GPHN: variants seen among roughly 807,000 people sequenced by gnomAD.
GPHN encodes gephyrin.
Under a neutral mutation model 95.5 loss-of-function variants are expected in GPHN, and 17 were observed. The ratio of observed to expected loss-of-function variants is 0.18; its 90% CI spans 0.12 to 0.27. The LOEUF is 0.27. GPHN is among the 10% of genes least tolerant of loss of function. GPHN has a pLI of 1.00. For missense variants in GPHN, 660 were observed against 978.1 expected, an observed-to-expected ratio of 0.67 and a Z score of 4.34; for synonymous variants, 320 against 322.5, an observed-to-expected ratio of 0.99 and a Z score of 0.08.
At chr14:66,690,143 A>C (rs2067676134) in intron 2 of GPHN, among the ~76,000 whole-genome samples, 1 of 151,352 alleles carries the variant, frequency 6.6e-6, no homozygotes, top group African/African-American at 2.4e-5. Context: ...GCTATTTGAA[A>C]ATTTTCTACT....
chr14:67,368,014 G>A, the GPHN span, among the ~76,000 whole-genome samples: 1 of 152,284 alleles, frequency 6.6e-6, no homozygotes, highest in East Asian at 1.9e-4. Flanking sequence ...AGAGGTGACT[G>A]AGTGATGACA....
chr14:66,821,262 A>C (rs1266938777), intron 3 of GPHN, among the ~76,000 whole-genome samples: 2 of 152,250 alleles, frequency 1.3e-5, no homozygotes, highest in African/African-American at 4.8e-5. Flanking sequence ...CTTTTTAAAC[A>C]TGATAGAATA....
the GPHN span, among the ~76,000 whole-genome samples, chr14:67,502,748 G>A: frequency 1.3e-5 from 2 of 151,878 alleles, no homozygotes; most frequent in African/African-American, 4.8e-5. Context: ...CACCGCGCCG[G>A]GCCCCAGAAG....
the GPHN span, chr14:67,376,582 T>C: frequency 6.2e-7 from 1 of 1,613,656 alleles, no homozygotes; most frequent in Non-Finnish European, 8.5e-7. Context: ...CATTTAAGCA[T>C]GCAGTCTCGT....
At chr14:67,527,010 G>A in the GPHN span, among the ~76,000 whole-genome samples, 2 of 152,166 alleles carry the variant, frequency 1.3e-5, no homozygotes, top group Non-Finnish European at 2.9e-5. Context: ...CAGGGCAGAG[G>A]GAGCTGCAAT....
chr14:67,710,445 T>C, the GPHN span, among the ~76,000 whole-genome samples: 1 of 152,204 alleles, frequency 6.6e-6, no homozygotes, highest in Non-Finnish European at 1.5e-5. Context: ...GTGACTTACA[T>C]AGACCTTTTG....
At chr14:67,336,676 C>G in the GPHN span, 1 of 455,040 alleles carries the variant, frequency 2.2e-6, no homozygotes, top group Non-Finnish European at 4.4e-6. Context: ...TGCTCTTTGA[C>G]TTGTCAAAGT....
intron 2 of GPHN, among the ~76,000 whole-genome samples, chr14:66,766,427 GT>G (rs1459822718): frequency 1.3e-5 from 2 of 152,032 alleles, no homozygotes; most frequent in Non-Finnish European, 2.9e-5. Context: ...AAAAACTATA[GT>G]TTTAGATATT....
chr14:67,646,546 C>A, the GPHN span: 2 of 916,886 alleles, frequency 2.2e-6, no homozygotes, highest in Non-Finnish European at 3.5e-6. Context: ...CTGTGGGTGG[C>A]AGAAGAAAGC....
chr14:67,239,935 A>G, the GPHN span, among the ~76,000 whole-genome samples: 1 of 152,174 alleles, frequency 6.6e-6, no homozygotes, highest in Non-Finnish European at 1.5e-5. Context: ...GGGTATGGCT[A>G]GTAGTTTCTA....
chr14:67,575,311 C>T, the GPHN span: 1 of 800,774 alleles, frequency 1.2e-6, no homozygotes, highest in Non-Finnish European at 2.0e-6. Flanking sequence ...ATCTGTCTCC[C>T]TGTGGCTTCT....
At chr14:67,680,342 C>T in the GPHN span, among the ~76,000 whole-genome samples, 1 of 152,188 alleles carries the variant, frequency 6.6e-6, no homozygotes, top group African/African-American at 2.4e-5. Context: ...CCTTTGTAAG[C>T]CTCTGCATCC....
chr14:67,225,960 TGTGCGCGCGC>T, the GPHN span, among the ~76,000 whole-genome samples: 147 of 119,804 alleles, frequency 1.2e-3, 2 homozygotes, highest in South Asian at 0.014. Context: ...TGTGTGTGTG[TGTGCGCGCGC>T]GCGCGTGCGC....
chr14:67,270,206 G>A, the GPHN span: 1 of 152,108 alleles, frequency 6.6e-6, no homozygotes, highest in East Asian at 1.9e-4. Context: ...CACTTGTTGT[G>A]AAGCTTATTT....
At chr14:66,612,468 A>G (rs938659738) in intron 1 of GPHN, among the ~76,000 whole-genome samples, 3 of 151,998 alleles carry the variant, frequency 2.0e-5, no homozygotes, top group Admixed American at 6.6e-5. Flanking sequence ...TTATAGTATG[A>G]TGTATCACCA....
At chr14:66,898,794 A>C (rs780645656) in intron 5 of GPHN, among the ~76,000 whole-genome samples, 10 of 152,012 alleles carry the variant, frequency 6.6e-5, no homozygotes, top group Non-Finnish European at 1.3e-4. Context: ...TATAGGAATT[A>C]CATTAAATCT....
At chr14:67,225,284 G>C in the GPHN span, 1 of 1,453,912 alleles carries the variant, frequency 6.9e-7, no homozygotes, top group South Asian at 1.4e-5. Flanking sequence ...TTAATTATAA[G>C]TCTCTATAGG....
At chr14:67,269,373 C>G in the GPHN span, among the ~76,000 whole-genome samples, 1 of 151,586 alleles carries the variant, frequency 6.6e-6, no homozygotes, top group Non-Finnish European at 1.5e-5. Context: ...TTTTATTTCT[C>G]TTGATTTATA....
the GPHN span, among the ~76,000 whole-genome samples, chr14:67,289,219 C>A: frequency 2.0e-5 from 3 of 152,192 alleles, no homozygotes; most frequent in East Asian, 5.8e-4. Context: ...CCACCTGCCT[C>A]AGCCTCCCAA....
Sources: gnomAD v4.1 joint callset for allele counts (sites outside exome capture counted in the v4.1 genomes callset) on GRCh38, gnomAD v4.1.1 for gene constraint, MANE v1.5 for transcripts, NCBI Gene and HGNC (gene_info 2026-07-23, HGNC 2026-07-21) for gene names.